Variants in SYNDIG1 observed in about 807,000 individuals in gnomAD.
The protein encoded by SYNDIG1 is synapse differentiation-inducing gene protein 1.
SYNDIG1 carries 9 observed loss-of-function variants against 19.4 expected under a neutral mutation model. The ratio of observed to expected loss-of-function variants is 0.46; its 90% CI spans 0.28 to 0.81. SYNDIG1 has a LOEUF of 0.81. Ranked by LOEUF, SYNDIG1 falls within the 30% of genes least tolerant of loss-of-function variation. The pLI is 0.12. For synonymous variants in SYNDIG1, 141 were observed against 145.9 expected (o/e 0.97, Z 0.24); for missense variants, 311 against 343.3 (o/e 0.91, Z 0.74).
intron 1 of SYNDIG1, among the ~76,000 whole-genome samples, chr20:24,524,645 C>CAA (rs112704748): frequency 1.5e-4 from 18 of 117,134 alleles, no homozygotes; most frequent in African/African-American, 4.8e-4. Flanking sequence ...GACTCTGTCT[C>CAA]AAAAAAAAAA....
chr20:24,569,303 C>T lies in SYNDIG1; in HGVS notation c.481-15553C>T, dbSNP rs572748178. The stretch of plus-strand genomic sequence containing the variant: ...TGTGTCCATGTCTAGTGCTTTTCCT[C>T]GCTCAAAGGGGTGGCATCCCTGTTT... On this transcript the variant is annotated intron_variant, in intron 2 of 3. Transcript: ENST00000376862. 7.2e-5 allele frequency among the ~76,000 whole-genome samples: 11 copies of T among 152,260 alleles called. No individual in the cohort carries two copies. In the East Asian group the frequency reaches 1.9e-3, roughly 27 times the overall value.
At chr20:24,529,135 G>C (rs771343008) in intron 1 of SYNDIG1, among the ~76,000 whole-genome samples, 18 of 152,174 alleles carry the variant, frequency 1.2e-4, no homozygotes, top group Non-Finnish European at 2.2e-4. Flanking sequence ...AAGACGTCTT[G>C]GCTGAGTCTG....
At chr20:24,537,331 C>T (rs1389303224) in intron 1 of SYNDIG1, among the ~76,000 whole-genome samples, 2 of 152,196 alleles carry the variant, frequency 1.3e-5, no homozygotes, top group African/African-American at 2.4e-5. Flanking sequence ...TGGTGGTCAG[C>T]CCACAGCCAG....
chr20:24,491,072 G>C (rs1264526396), intron 1 of SYNDIG1, among the ~76,000 whole-genome samples: 1 of 152,182 alleles, frequency 6.6e-6, no homozygotes, highest in East Asian at 1.9e-4. Context: ...GTCAGGAAAG[G>C]ACAGGCGCCA....
chr20:24,655,672 C>T lies in SYNDIG1; in HGVS notation c.619-9674C>T, dbSNP rs139068687. Among the ~76,000 whole-genome samples, 35 of 151,912 alleles carry T rather than the reference C, an allele frequency of 2.3e-4. No homozygotes were observed. The East Asian group carries it at 6.8e-3, about 29-fold the overall frequency. On this transcript the variant is annotated intron_variant, in intron 3 of 3. Transcript: ENST00000376862. ...TTTACCAAACACTGTGAACATATTCCTTTGATGATAAAAACTATTTTAGAA... is the reference window on the plus strand; with the variant it reads ...TTTACCAAACACTGTGAACATATTCTTTTGATGATAAAAACTATTTTAGAA...
chr20:24,659,128 C>A (rs1311781824), intron 3 of SYNDIG1, among the ~76,000 whole-genome samples: 1 of 152,192 alleles, frequency 6.6e-6, no homozygotes, highest in African/African-American at 2.4e-5. Flanking sequence ...CCAAGTCCTC[C>A]CTGTGCCCTG....
chr20:24,518,159 T>G (rs1217793210), intron 1 of SYNDIG1, among the ~76,000 whole-genome samples: 2 of 151,980 alleles, frequency 1.3e-5, no homozygotes, highest in African/African-American at 4.8e-5. Context: ...ATGAAATTGG[T>G]TGAATTTAGC....
At chr20:24,522,134 G>T (rs1368535613) in intron 1 of SYNDIG1, among the ~76,000 whole-genome samples, 1 of 152,040 alleles carries the variant, frequency 6.6e-6, no homozygotes, top group African/African-American at 2.4e-5. Context: ...GAGTGCAGTG[G>T]CATGATCATA....
intron 3 of SYNDIG1, among the ~76,000 whole-genome samples, chr20:24,610,806 T>C (rs1358891465): frequency 6.6e-6 from 1 of 152,118 alleles, no homozygotes; most frequent in East Asian, 1.9e-4. Flanking sequence ...TAAGTGTTCT[T>C]TGCTTGGTGC....
chr20:24,620,634 T>C (rs969336234), intron 3 of SYNDIG1, among the ~76,000 whole-genome samples: 2 of 152,168 alleles, frequency 1.3e-5, no homozygotes, highest in African/African-American at 4.8e-5. Context: ...GGTCAAGGCA[T>C]TCATAGGAGG....
intron 3 of SYNDIG1, among the ~76,000 whole-genome samples, chr20:24,629,427 T>A (rs985509552): frequency 3.3e-5 from 5 of 151,962 alleles, no homozygotes; most frequent in Admixed American, 1.3e-4. Flanking sequence ...CAAAGAGGCA[T>A]GGCAATTAAA....
intron 1 of SYNDIG1, among the ~76,000 whole-genome samples, chr20:24,513,700 T>C (rs1373623277): frequency 6.6e-6 from 1 of 152,174 alleles, no homozygotes; most frequent in Non-Finnish European, 1.5e-5. Context: ...GAAAACACTC[T>C]GCAGGATATT....
intron 2 of SYNDIG1, among the ~76,000 whole-genome samples, chr20:24,557,155 A>G (rs1160653944): frequency 6.6e-6 from 1 of 152,132 alleles, no homozygotes; most frequent in East Asian, 1.9e-4. Context: ...TTTCAGCTCC[A>G]TCAGCTCCTT....
At chr20:24,584,771 G>C in intron 2 of SYNDIG1, 85 bp from the exon 3 acceptor site, 1 of 1,594,748 alleles carries the variant, frequency 6.3e-7, no homozygotes, top group Admixed American at 1.7e-5. Context: ...CGCCAGCCAG[G>C]GGTCATCCCA....
chr20:24,553,793 C>A (rs1400169994), intron 2 of SYNDIG1, among the ~76,000 whole-genome samples: 1 of 152,192 alleles, frequency 6.6e-6, no homozygotes, highest in African/African-American at 2.4e-5. Context: ...GCAATGCGGG[C>A]TCTTTTTTGG....
intron 3 of SYNDIG1, among the ~76,000 whole-genome samples, chr20:24,604,688 C>G (rs1405349030): frequency 6.6e-6 from 1 of 152,182 alleles, no homozygotes; most frequent in African/African-American, 2.4e-5. Flanking sequence ...AAAGAGCCAA[C>G]CAGCAGCCCT....
chr20:24,567,798 C>T (rs1428442412), intron 2 of SYNDIG1, among the ~76,000 whole-genome samples: 4 of 152,178 alleles, frequency 2.6e-5, no homozygotes, highest in Non-Finnish European at 4.4e-5. Context: ...ATGTGATGTG[C>T]GTATGATGGG....
chr20:24,665,491 A>G lies in SYNDIG1; in HGVS notation c.764A>G (p.Asn255Ser), dbSNP rs200386173. 23 of 1,613,848 alleles carry G rather than the reference A, an allele frequency of 1.4e-5. No individual in the cohort carries two copies. The highest frequency in any genetic ancestry group is 1.7e-5 in the Admixed American group (1 of 59,972). ...AVALIAYLSKNNHL is the reference protein window; with the variant it reads ...AVALIAYLSKSNHL ...GCCCTCATCGCCTACCTCTCCAAGA[A>G]CAACCACCTGTGAGCTTCCTGCGAA... Residue 255 changes from asparagine to serine, a missense_variant, in exon 4 of 4, where the codon AAC becomes AGC. Coordinates refer to ENST00000376862, the MANE Select transcript of SYNDIG1 (RefSeq NM_024893.3).
chr20:24,525,679 G>A (rs2057109902), intron 1 of SYNDIG1, among the ~76,000 whole-genome samples: 1 of 152,164 alleles, frequency 6.6e-6, no homozygotes, highest in Non-Finnish European at 1.5e-5. Context: ...GAGAGAAAGA[G>A]AACACGTATG....
Sources: gnomAD v4.1 joint callset for allele counts (sites outside exome capture counted in the v4.1 genomes callset) on GRCh38, gnomAD v4.1.1 for gene constraint, MANE v1.5 for transcripts, NCBI Gene and HGNC (gene_info 2026-07-23, HGNC 2026-07-21) for gene names.